MTMR7: variants seen among roughly 807,000 people sequenced by gnomAD.
The protein encoded by MTMR7 is phosphatidylinositol-3-phosphate phosphatase MTMR7.
Under a neutral mutation model 81.2 loss-of-function variants are expected in MTMR7, and 76 were observed. That is an observed-to-expected ratio of 0.94 (90% CI 0.78 to 1.13). The LOEUF is 1.13. Among genes scored for constraint, MTMR7 ranks in the 50% most tolerant of loss-of-function variants. The pLI is 0.00. For synonymous variants in MTMR7, 372 were observed against 289.8 expected, an observed-to-expected ratio of 1.28 and a Z score of -2.88; for missense variants, 1,044 against 820.0, an observed-to-expected ratio of 1.27 and a Z score of -3.34.
chr8:17,336,208 C>CA (rs1819232728), intron 6 of MTMR7, among the ~76,000 whole-genome samples: 1 of 152,102 alleles, frequency 6.6e-6, no homozygotes, highest in Non-Finnish European at 1.5e-5. Context: ...CCAGTACGCT[C>CA]AACTTCCCTC....
At chr8:17,322,471 CGTG>C (rs1411097467) in intron 7 of MTMR7, among the ~76,000 whole-genome samples, 5 of 152,072 alleles carry the variant, frequency 3.3e-5, no homozygotes, top group Admixed American at 3.3e-4. Flanking sequence ...AGGTTTAACA[CGTG>C]GTAAGGAAAA....
intron 3 of MTMR7, among the ~76,000 whole-genome samples, chr8:17,366,614 C>T (rs1485535906): frequency 2.0e-5 from 3 of 151,912 alleles, no homozygotes; most frequent in South Asian, 2.1e-4. Context: ...AGGCCGGGCG[C>T]GGTGGCTCAC....
chr8:17,371,591 G>A (rs1379136962), intron 2 of MTMR7, among the ~76,000 whole-genome samples: 1 of 152,142 alleles, frequency 6.6e-6, no homozygotes, highest in Non-Finnish European at 1.5e-5. Context: ...TGGCTCCGCT[G>A]GGAGGTGCCA....
At chr8:17,356,822 G>A (rs77277042) in intron 4 of MTMR7, among the ~76,000 whole-genome samples, 1,781 of 152,234 alleles carry the variant, frequency 0.012, 29 homozygotes, top group African/African-American at 0.04. Flanking sequence ...AAGAATACCA[G>A]CGAATATCAC....
chr8:17,304,768 T>TGTGTGTGTGTGTGTGTGTGTGTGTG (rs1563315402), intron 11 of MTMR7, among the ~76,000 whole-genome samples: 5 of 147,508 alleles, frequency 3.4e-5, no homozygotes, highest in South Asian at 2.2e-4. Context: ...TGTGTGTGTG[T>TGTGTGTGTGTGTGTGTGTGTGTGTG]TAAGCTGTTC....
chr8:17,299,903 T>C lies in MTMR7; in HGVS notation c.1942A>G (p.Lys648Glu), dbSNP rs1317359776. Residue 648 changes from lysine (K) to glutamate (E), a missense_variant, in exon 14 of 14, where the codon AAG becomes GAG. By Grantham distance (56) the Lys-to-Glu change is moderately conservative (BLOSUM62 1). Coordinates refer to ENST00000180173, the MANE Select transcript of MTMR7 (RefSeq NM_004686.5). ...GEHAPSEDSG[K>E]DRDSDEAVFL... ...ACGGCTTCATCAGAATCCCGGTCCT[T>C]GCCACTATCTTCACTCGGTGCATGC... 6.2e-7 allele frequency: 1 copy of C among 1,614,044 alleles called. No individual in the cohort carries two copies.
chr8:17,329,078 T>C (rs1193953627), intron 7 of MTMR7, among the ~76,000 whole-genome samples: 1 of 152,214 alleles, frequency 6.6e-6, no homozygotes, highest in Non-Finnish European at 1.5e-5. Context: ...TCTATTCTGA[T>C]TATATCCATA....
chr8:17,372,564 G>C (rs1820450703), intron 2 of MTMR7, among the ~76,000 whole-genome samples: 1 of 151,802 alleles, frequency 6.6e-6, no homozygotes, highest in South Asian at 2.1e-4. Context: ...CTCCAGCCTG[G>C]GCAACAGAGT....
rs527662765 is a variant in MTMR7, at chr8:17,298,131, G to A, written c.*1731C>T. On this transcript the variant is annotated 3_prime_UTR_variant, in exon 14 of 14. Transcript: ENST00000180173. ...CAATATTAGGCAACAGAGTTTCTAA[G>A]AGTGGACAGCTCCAAGAAGGTTGTG... 1.3e-5 allele frequency: 2 copies of A among 152,042 alleles called. No homozygotes were observed. The highest frequency in any genetic ancestry group is 2.9e-5 in the Non-Finnish European group (2 of 67,924). The allele number at this position is 152,042 out of a possible 1,614,324, so 9.4% of individuals were successfully genotyped here.
chr8:17,317,258 G>C (rs150661185), intron 7 of MTMR7, among the ~76,000 whole-genome samples: 1 of 152,170 alleles, frequency 6.6e-6, no homozygotes, highest in Non-Finnish European at 1.5e-5. Flanking sequence ...GCCGTGTGCC[G>C]TGTGCATGGG....
At chr8:17,342,896 C>T (rs1303716801) in intron 5 of MTMR7, among the ~76,000 whole-genome samples, 1 of 151,864 alleles carries the variant, frequency 6.6e-6, no homozygotes, top group Non-Finnish European at 1.5e-5. Flanking sequence ...GACAGAATGG[C>T]AAGCGACGGC....
At chr8:17,302,951 TCCAC>T (rs1292359780) in intron 12 of MTMR7, among the ~76,000 whole-genome samples, 1 of 151,946 alleles carries the variant, frequency 6.6e-6, no homozygotes, top group Admixed American at 6.6e-5. Context: ...CCTCAGGTGA[TCCAC>T]CCACCTCAGC....
At chr8:17,397,816 G>T (rs986603815) in intron 1 of MTMR7, among the ~76,000 whole-genome samples, 1 of 152,190 alleles carries the variant, frequency 6.6e-6, no homozygotes, top group Non-Finnish European at 1.5e-5. Context: ...AGTCCCAGTG[G>T]TGGTGGCCAC....
At chr8:17,372,747 A>C (rs2150566201) in intron 2 of MTMR7, among the ~76,000 whole-genome samples, 1 of 152,294 alleles carries the variant, frequency 6.6e-6, no homozygotes, top group East Asian at 1.9e-4. Context: ...TAAAATGACC[A>C]AATGGCTGCA....
Position 17,371,019 on chromosome 8 carries a change from C to G in MTMR7, c.310+18G>C. ...TTAAGAGAGGTTCCATATTAAATGC[C>G]GAGTTCCTCTGCCCTACCTGGCCTT... On this transcript the variant is annotated intron_variant, in intron 3 of 13. Coordinates refer to ENST00000180173, the MANE Select transcript of MTMR7 (RefSeq NM_004686.5). The G allele has an allele frequency of 6.3e-7, 1 of 1,598,576 alleles. No individual in the cohort carries two copies. Among genetic ancestry groups the G allele is most frequent in the Non-Finnish European group, 8.5e-7 (1 of 1,173,314 alleles).
At chr8:17,305,697 AT>A (rs1359825789) in intron 11 of MTMR7, 59 bp downstream of exon 11, 7 of 1,454,272 alleles carry the variant, frequency 4.8e-6, no homozygotes. Flanking sequence ...GCCACCTAAA[AT>A]TCTCAGTCAT....
chr8:17,406,873 A>G (rs1821598957), intron 1 of MTMR7, among the ~76,000 whole-genome samples: 2 of 152,174 alleles, frequency 1.3e-5, no homozygotes, highest in African/African-American at 4.8e-5. Flanking sequence ...AAGGCCACAT[A>G]TTGTATGATT....
rs536230890 is a variant in MTMR7 at position 17,407,062 on chromosome 8, A to G, written c.24+6207T>C. On this transcript the variant is annotated intron_variant, in intron 1 of 13. Transcript: ENST00000180173. ...ATGATGGTGGTACAACTCTGTGAAT[A>G]TACCAAAAAATCACAAAATTGCATA... Among the ~76,000 whole-genome samples, 4 of 152,300 alleles carry G rather than the reference A, an allele frequency of 2.6e-5. No individual in the cohort carries two copies. In the South Asian group the frequency reaches 6.2e-4, roughly 24 times the overall value.
chr8:17,410,648 TTAAAGGCTTCAG>T, intron 1 of MTMR7, among the ~76,000 whole-genome samples: 1 of 152,196 alleles, frequency 6.6e-6, no homozygotes, highest in East Asian at 1.9e-4. Context: ...ATATGCTCTG[TTAAAGGCTTCAG>T]TTAAACATAC....
Sources: allele counts gnomAD v4.1 joint callset (sites outside exome capture counted in the v4.1 genomes callset), GRCh38; gene constraint gnomAD v4.1.1; transcripts MANE v1.5; gene names NCBI Gene and HGNC (gene_info 2026-07-23, HGNC 2026-07-21).